Variants in MARCHF1 observed in about 807,000 individuals in gnomAD.
MARCHF1 encodes membrane associated ring-CH-type finger 1.
MARCHF1 carries 40 observed loss-of-function variants against 54.2 expected under a neutral mutation model. The ratio of observed to expected loss-of-function variants is 0.74; its 90% CI spans 0.57 to 0.96. MARCHF1 has a LOEUF of 0.96. Ranked by LOEUF, MARCHF1 falls within the 40% of genes least tolerant of loss-of-function variation. The pLI is 0.00. For missense variants in MARCHF1, 586 were observed against 656.5 expected, an observed-to-expected ratio of 0.89 and a Z score of 1.17; for synonymous variants, 236 against 236.3, an observed-to-expected ratio of 1.00 and a Z score of 0.01.
chr4:164,266,028 T>C (rs1452463581), intron 1 of MARCHF1, among the ~76,000 whole-genome samples: 1 of 152,230 alleles, frequency 6.6e-6, no homozygotes, highest in Non-Finnish European at 1.5e-5. Context: ...CATGCCTGTT[T>C]GTTCGCTCCT....
At chr4:163,992,188 T>C (rs1412365958) in intron 2 of MARCHF1, among the ~76,000 whole-genome samples, 2 of 151,638 alleles carry the variant, frequency 1.3e-5, no homozygotes, top group Non-Finnish European at 2.9e-5. Context: ...ACACATTAAA[T>C]GGATAGACTG....
At chr4:163,531,034 T>A (rs1030745104) in intron 9 of MARCHF1, among the ~76,000 whole-genome samples, 31 of 151,968 alleles carry the variant, frequency 2.0e-4, no homozygotes, top group African/African-American at 7.2e-4. Flanking sequence ...TCAAATAGTT[T>A]TACTAGTGGA....
intron 1 of MARCHF1, among the ~76,000 whole-genome samples, chr4:164,356,002 A>G (rs1236028480): frequency 4.6e-5 from 6 of 129,136 alleles, no homozygotes; most frequent in African/African-American, 1.1e-4. Flanking sequence ...GCAGCCAAAA[A>G]ACACATGAAA....
At chr4:164,383,095 A>G (rs1354712444) in intron 1 of MARCHF1, 4 of 152,134 alleles carry the variant, frequency 2.6e-5, no homozygotes, top group Non-Finnish European at 5.9e-5. Context: ...CCATTTGGGG[A>G]TAAAACTTGG....
intron 4 of MARCHF1, among the ~76,000 whole-genome samples, chr4:163,810,601 A>T (rs953027167): frequency 6.6e-6 from 1 of 152,122 alleles, no homozygotes; most frequent in Non-Finnish European, 1.5e-5. Context: ...GATGTGACAA[A>T]TTTTTTTAAG....
In MARCHF1 at chr4:163,551,310, C is replaced by T. The variant is rs182940005; in HGVS notation, c.1192-5567G>A. Among the ~76,000 whole-genome samples the T allele has an allele frequency of 9.5e-3, 1,453 of 152,242 alleles. 19 individuals carry two copies. Among genetic ancestry groups the T allele is most frequent in the African/African-American group, 0.031 (1,300 of 41,542 alleles). ...AATCTAATTATACTAGTAACAATTT[C>T]AAATACTCTGGGAGAGAACTAAACA... is the stretch of plus-strand genomic sequence containing the variant. On this transcript the variant is annotated intron_variant, in intron 8 of 9. Transcript: ENST00000514618.
intron 1 of MARCHF1, among the ~76,000 whole-genome samples, chr4:164,150,814 A>G (rs899449165): frequency 2.4e-4 from 36 of 152,336 alleles, no homozygotes; most frequent in Non-Finnish European, 3.4e-4. Flanking sequence ...TAATGTCCAG[A>G]ATCTAGAAAT....
chr4:163,876,800 G>A (rs187842371), intron 3 of MARCHF1, among the ~76,000 whole-genome samples: 33 of 152,206 alleles, frequency 2.2e-4, no homozygotes, highest in Middle Eastern at 3.4e-3. Context: ...TTGCATGTGC[G>A]TGTAGAATAC....
intron 4 of MARCHF1, among the ~76,000 whole-genome samples, chr4:163,801,541 G>T (rs992653157): frequency 2.0e-5 from 3 of 152,060 alleles, no homozygotes; most frequent in East Asian, 3.9e-4. Flanking sequence ...TTTTATTAAG[G>T]TATATCATAA....
chr4:163,804,275 C>A (rs1039066046), intron 4 of MARCHF1, among the ~76,000 whole-genome samples: 2 of 152,124 alleles, frequency 1.3e-5, no homozygotes, highest in Admixed American at 6.6e-5. Context: ...GCAAGCACAC[C>A]AAATACCTCC....
rs1226986798 is a variant in MARCHF1, at chr4:163,527,738, A to ATAGT, written c.*1006_*1009dup. 2 of 149,970 alleles carry ATAGT rather than the reference A, an allele frequency of 1.3e-5. No homozygotes were observed. Among genetic ancestry groups the ATAGT allele is most frequent in the Admixed American group, 6.9e-5 (1 of 14,434 alleles). 9.3% of individuals were successfully genotyped at this position (149,970 alleles called of 1,614,324 possible). On this transcript the variant is annotated 3_prime_UTR_variant, in exon 10 of 10. Coordinates refer to ENST00000514618, the MANE Select transcript of MARCHF1 (RefSeq NM_001394959.1). The stretch of plus-strand genomic sequence containing the variant: ...TAATTTTACGGCTGTGCTATCCAAT[A>ATAGT]TAGTTAATTCAAGTTGAAGTGTACT...
chr4:163,925,316 A>T (rs1751514251), intron 3 of MARCHF1, among the ~76,000 whole-genome samples: 1 of 151,860 alleles, frequency 6.6e-6, no homozygotes, highest in South Asian at 2.1e-4. Context: ...CTCAAGAGTC[A>T]CAAGTTTACC....
At chr4:163,751,540 T>C (rs1001291268) in intron 4 of MARCHF1, among the ~76,000 whole-genome samples, 2 of 151,828 alleles carry the variant, frequency 1.3e-5, no homozygotes, top group Non-Finnish European at 2.9e-5. Context: ...GGTTTATGCA[T>C]ACAAAATCAA....
chr4:164,191,265 C>A (rs1234158489), intron 1 of MARCHF1, among the ~76,000 whole-genome samples: 1 of 152,188 alleles, frequency 6.6e-6, no homozygotes, highest in Non-Finnish European at 1.5e-5. Context: ...CTCCCTTATG[C>A]TGTGTTTGCA....
chr4:163,612,959 CCTTCCTAG>C lies in MARCHF1; in HGVS notation c.314_321del (p.Ala105GlyfsTer4). On this transcript the variant is annotated frameshift_variant, in exon 7 of 10. Coordinates refer to ENST00000514618, the MANE Select transcript of MARCHF1 (RefSeq NM_001394959.1). LOFTEE classifies it high-confidence loss of function. Reference sequence around the variant, plus strand: ...TGTATTACTGATTTCTTACCAGACTCCTTCCTAGCAGGGCTCAGCACCATGACAGGGGT... The same window carrying C: ...TGTATTACTGATTTCTTACCAGACTCCAGGGCTCAGCACCATGACAGGGGT... 1 of 1,534,644 alleles carries C rather than the reference CCTTCCTAG, an allele frequency of 6.5e-7. No individual in the cohort carries two copies.
chr4:163,989,315 A>AG (rs1180503023), intron 2 of MARCHF1, among the ~76,000 whole-genome samples: 9 of 150,560 alleles, frequency 6.0e-5, no homozygotes, highest in African/African-American at 2.2e-4. Flanking sequence ...GAGAGAGAGA[A>AG]AAGAAGAGAG....
chr4:163,785,159 C>A (rs536179701), intron 4 of MARCHF1, among the ~76,000 whole-genome samples: 10 of 151,922 alleles, frequency 6.6e-5, no homozygotes, highest in Non-Finnish European at 1.3e-4. Flanking sequence ...AGGTCTGGTG[C>A]GCTAGAAATC....
At chr4:163,807,926 A>C (rs1235940392) in intron 4 of MARCHF1, among the ~76,000 whole-genome samples, 1 of 152,116 alleles carries the variant, frequency 6.6e-6, no homozygotes, top group Non-Finnish European at 1.5e-5. Flanking sequence ...CTTTGCTAAT[A>C]GTATTTTTTA....
At chr4:164,176,697 T>C (rs1456941288) in intron 1 of MARCHF1, among the ~76,000 whole-genome samples, 1 of 150,890 alleles carries the variant, frequency 6.6e-6, no homozygotes, top group East Asian at 1.9e-4. Flanking sequence ...GCTAATTTTA[T>C]TTTTTTTCAC....
Sources: gnomAD v4.1 joint callset for allele counts (sites outside exome capture counted in the v4.1 genomes callset) on GRCh38, gnomAD v4.1.1 for gene constraint, MANE v1.5 for transcripts, NCBI Gene and HGNC (gene_info 2026-07-23, HGNC 2026-07-21) for gene names.